Variants in RPLP0 observed in about 807,000 individuals in gnomAD.
RPLP0 encodes the protein ribosomal protein lateral stalk subunit P0.
For synonymous variants in RPLP0, 137 were observed against 153.4 expected (o/e 0.89, Z 0.79); for missense variants, 276 against 402.9 (o/e 0.69, Z 2.70).
At position 120,197,329 on chromosome 12, in the gene RPLP0, G is replaced by C; in HGVS notation, c.785C>G (p.Ala262Gly). Residue 262 changes from alanine (A) to glycine (G), a missense_variant, in exon 7 of 8, where the codon GCT (alanine) becomes GGT (glycine). Transcript: ENST00000392514. ...SVETDYTFPL[A>G]EKVKAFLADP... ...CTGGTGGGATCCTTTTACCTTTTCAGCAAGTGGGAAGGTGTAATCCGTCTC... is the reference window on the plus strand; with the variant it reads ...CTGGTGGGATCCTTTTACCTTTTCACCAAGTGGGAAGGTGTAATCCGTCTC... 6.2e-7 allele frequency: 1 copy of C among 1,613,796 alleles called. No individual in the cohort carries two copies.
intron 7 of RPLP0, 78 bp downstream of exon 7, chr12:120,197,244 G>A (rs796315987): frequency 7.7e-7 from 1 of 1,305,162 alleles, no homozygotes; most frequent in African/African-American, 1.5e-5. Context: ...AACTATAAAA[G>A]CAGTAAGGTA....
In RPLP0 at chr12:120,197,385, G is replaced by A. The variant is rs775971868; in HGVS notation, c.729C>T (p.Asn243=). 4.4e-5 allele frequency: 71 copies of A among 1,613,484 alleles called. 1 individual carries two copies. In the Middle Eastern group the frequency reaches 6.6e-4, roughly 15 times the overall value. ...ACAAGGCCAGGACTCGTTTGTACCC[G>A]TTGATGATAGAATGGGGTACTGATG... ...TVASVPHSII[N]GYKRVLALSV... Residue 243 remains asparagine (N), a synonymous_variant, in exon 7 of 8, where the codon AAC becomes AAT. Coordinates refer to ENST00000392514, the MANE Select transcript of RPLP0 (RefSeq NM_001002.4).
intron 2 of RPLP0, chr12:120,200,162 T>G: frequency 2.2e-6 from 1 of 455,196 alleles, no homozygotes; most frequent in South Asian, 1.5e-5. Context: ...TTCTCAAAAA[T>G]GGAGTAAAAC....
Position 120,198,838 on chromosome 12 carries a change from A to C in RPLP0, c.465+16T>G. On this transcript the variant is annotated intron_variant, in intron 5 of 7. Transcript: ENST00000392514. The surrounding 1 kb of genome is among the most constrained non-coding windows in gnomAD (Gnocchi z 4.1). ...CCCATTTGCCTGGTTAGCACAGGCAAACCAGGTCCACTCACCAGGATTTCA... is the reference window on the plus strand; with the variant it reads ...CCCATTTGCCTGGTTAGCACAGGCACACCAGGTCCACTCACCAGGATTTCA... 6.2e-7 allele frequency: 1 copy of C among 1,614,080 alleles called. No individual in the cohort carries two copies. Among genetic ancestry groups the C allele is most frequent in the South Asian group, 1.1e-5 (1 of 91,086 alleles).
In RPLP0 at chr12:120,196,809, C is replaced by T. The variant is rs60656828; in HGVS notation, c.918G>A (p.Glu306=). ...GACCAAATCCCATATCCTCGTCCGACTCCTCCGACTCTTCCTTGGCTTCAA... is the reference window on the plus strand; with the variant it reads ...GACCAAATCCCATATCCTCGTCCGATTCCTCCGACTCTTCCTTGGCTTCAA... ...AKVEAKEESE[E]SDEDMGFGLF... The change falls in exon 8 of 8, where the codon GAG becomes GAA. Residue 306 remains glutamate, a synonymous_variant. Coordinates refer to ENST00000392514, the MANE Select transcript of RPLP0 (RefSeq NM_001002.4). 1 of 1,594,082 alleles carries T rather than the reference C, an allele frequency of 6.3e-7. No individual in the cohort carries two copies. The highest frequency in any genetic ancestry group is 1.1e-5 in the South Asian group (1 of 90,384).
rs749950032 is a variant in RPLP0, at chr12:120,198,690, G to A, written c.515C>T (p.Ala172Val). 6.2e-7 allele frequency: 1 copy of A among 1,614,060 alleles called. No individual in the cohort carries two copies. The highest frequency in any genetic ancestry group is 8.5e-7 in the Non-Finnish European group (1 of 1,179,910). ...KTGDKVGASE[A>V]TLLNMLNISP... Reference sequence around the variant, plus strand: ...GATGTTGAGCATGTTCAGCAGCGTGGCTTCGCTGGCTCCCACTTTGTCTCC... The same window carrying A: ...GATGTTGAGCATGTTCAGCAGCGTGACTTCGCTGGCTCCCACTTTGTCTCC... The change falls in exon 6 of 8, where the codon GCC (alanine) becomes GTC (valine). Residue 172 changes from alanine (A) to valine (V), a missense_variant. Transcript: ENST00000392514. This position sits in a 1 kb window ranked among gnomAD's most constrained non-coding sequence, Gnocchi z 4.1.
chr12:120,197,725 A>T, intron 6 of RPLP0: 1 of 463,666 alleles, frequency 2.2e-6, no homozygotes, highest in Non-Finnish European at 3.9e-6. Context: ...CAACAGTGAA[A>T]AGCATAAACG....
chr12:120,199,256 G>A (rs753757385), intron 3 of RPLP0, 51 bp from the exon 4 acceptor site: 6 of 1,612,974 alleles, frequency 3.7e-6, no homozygotes, highest in Non-Finnish European at 4.2e-6. Context: ...CCATTCTCCA[G>A]GAAGAGGGAG....
chr12:120,200,993 G>A (rs1879438561), intron 1 of RPLP0, 90 bp downstream of exon 1: 3 of 755,178 alleles, frequency 4.0e-6, no homozygotes, highest in Non-Finnish European at 6.0e-6. Flanking sequence ...AGGCGGAACA[G>A]AATAGGACTC....
chr12:120,196,898 CCA>C lies in RPLP0; in HGVS notation c.827_828del (p.Val276GlyfsTer21). On this transcript the variant is annotated frameshift_variant, in exon 8 of 8. Coordinates refer to ENST00000392514, the MANE Select transcript of RPLP0 (RefSeq NM_001002.4). LOFTEE classifies it high-confidence loss of function. ...GTGGCAGCAGCCACAGGGGCAGCAGCCACAAAGGCAGATGGATCAGCCAAGAA... is the reference window on the plus strand; with the variant it reads ...GTGGCAGCAGCCACAGGGGCAGCAGCCAAAGGCAGATGGATCAGCCAAGAA... ...KAFLADPSAF[V>X]AAAPVAAATT... 1 of 1,613,144 alleles carries C rather than the reference CCA, an allele frequency of 6.2e-7. No homozygotes were observed. Among genetic ancestry groups the C allele is most frequent in the Non-Finnish European group, 8.5e-7 (1 of 1,179,934 alleles).
chr12:120,199,414 C>A lies in RPLP0; in HGVS notation c.126G>T (p.Gln42His), dbSNP rs776758340. 1.2e-6 allele frequency: 2 copies of A among 1,614,034 alleles called. No homozygotes were observed. The highest frequency in any genetic ancestry group is 3.3e-5 in the Admixed American group (2 of 59,982). ...CCTTCCCGCGAAGGGACATGCGGAT[C>A]TGCTGCATCTGCTTGGAGCCCACAT... The part of the protein sequence containing the change: ...ADNVGSKQMQ[Q>H]IRMSLRGKAV... Residue 42 changes from glutamine to histidine, a missense_variant, in exon 3 of 8, where the codon CAG (glutamine) becomes CAT (histidine). Gln to His is a conservative substitution (Grantham distance 24). Coordinates refer to ENST00000392514, the MANE Select transcript of RPLP0 (RefSeq NM_001002.4).
chr12:120,197,014 A>G, intron 7 of RPLP0, 80 bp from the exon 8 acceptor site: 1 of 1,589,444 alleles, frequency 6.3e-7, no homozygotes, highest in Non-Finnish European at 8.6e-7. Context: ...GGTAGAGTTT[A>G]AGGACCAACA....
intron 6 of RPLP0, chr12:120,197,890 A>G: frequency 6.0e-6 from 1 of 166,564 alleles, no homozygotes; most frequent in Non-Finnish European, 1.3e-5. Flanking sequence ...CATTTGTCCA[A>G]GAAATGACAT....
chr12:120,197,016 G>C (rs1020550613), intron 7 of RPLP0, 82 bp from the exon 8 acceptor site: 3 of 1,589,284 alleles, frequency 1.9e-6, no homozygotes, highest in African/African-American at 1.3e-5. Context: ...TAGAGTTTAA[G>C]GACCAACAAT....
chr12:120,200,169 AAACT>A (rs1879368645), intron 2 of RPLP0: 9 of 454,002 alleles, frequency 2.0e-5, no homozygotes, highest in Non-Finnish European at 4.0e-5. Context: ...AAATGGAGTA[AAACT>A]GTAATGTGCG....
In RPLP0 at chr12:120,200,798, A is replaced by G. The variant is rs1156736946; in HGVS notation, c.-15T>C. ...TCCCTGGGCATCACGGCGGTGCGTC[A>G]GGGATTGCCACGCAGGGTTTAAAGA... On this transcript the variant is annotated 5_prime_UTR_variant, in exon 2 of 8. Transcript: ENST00000392514. The G allele has an allele frequency of 1.9e-6, 3 of 1,609,512 alleles. No homozygotes were observed. The highest frequency in any genetic ancestry group is 1.7e-6 in the Non-Finnish European group (2 of 1,178,776).
At chr12:120,199,702 G>A (rs1301587836) in intron 2 of RPLP0, 4 of 542,514 alleles carry the variant, frequency 7.4e-6, no homozygotes, top group Non-Finnish European at 1.3e-5. Context: ...ATTCAATCAA[G>A]GAGTTTTTTC....
chr12:120,199,970 T>C (rs1410195639), intron 2 of RPLP0: 1 of 451,196 alleles, frequency 2.2e-6, no homozygotes, highest in East Asian at 7.0e-5. Context: ...GAAAATGTAA[T>C]ACAAGCTATG....
intron 6 of RPLP0, chr12:120,197,708 C>A: frequency 2.0e-6 from 1 of 504,434 alleles, no homozygotes; most frequent in Non-Finnish European, 3.6e-6. Context: ...TTCCAAAGCC[C>A]CTACCACAAC....
Sources: allele counts gnomAD v4.1 joint callset, GRCh38; gene constraint gnomAD v4.1.1; non-coding constraint Gnocchi (gnomAD v3.1); transcripts MANE v1.5; gene names NCBI Gene and HGNC (gene_info 2026-07-23, HGNC 2026-07-21).